The following YAE1 variants were observed in gnomAD, a reference collection of about 807,000 sequenced individuals.
YAE1 encodes the protein protein YAE1 homolog.
A neutral mutation model predicts 23.0 loss-of-function variants in YAE1; 22 were observed. That is an observed-to-expected ratio of 0.96 (90% CI 0.68 to 1.37). YAE1 has a LOEUF of 1.37. Among genes scored for constraint, YAE1 ranks in the 40% most tolerant of loss-of-function variants. The pLI, the probability that YAE1 is intolerant of heterozygous loss-of-function variation, is 0.00. For synonymous variants in YAE1, 101 were observed against 97.0 expected, an observed-to-expected ratio of 1.04 and a Z score of -0.24; for missense variants, 260 against 262.1, an observed-to-expected ratio of 0.99 and a Z score of 0.06.
intron 2 of YAE1, among the ~76,000 whole-genome samples, chr7:39,605,185 G>C (rs1791111177): frequency 6.6e-6 from 1 of 152,176 alleles, no homozygotes; most frequent in African/African-American, 2.4e-5. Context: ...TGGGAAACCA[G>C]ACCAGGTCAA....
intron 2 of YAE1, among the ~76,000 whole-genome samples, chr7:39,593,449 T>C (rs1470792599): frequency 2.0e-5 from 3 of 152,126 alleles, no homozygotes; most frequent in Non-Finnish European, 4.4e-5. Flanking sequence ...AGTTTCACCA[T>C]GTAGGGCAGT....
intron 2 of YAE1, among the ~76,000 whole-genome samples, chr7:39,604,254 T>G (rs1172536699): frequency 6.6e-6 from 1 of 152,192 alleles, no homozygotes; most frequent in Non-Finnish European, 1.5e-5. Flanking sequence ...TTTGGAAACC[T>G]TTTCAAGAAG....
chr7:39,595,603 T>C (rs1315855661), intron 2 of YAE1, among the ~76,000 whole-genome samples: 1 of 152,194 alleles, frequency 6.6e-6, no homozygotes, highest in Admixed American at 6.5e-5. Flanking sequence ...TTATGTATTT[T>C]TAACAATGAA....
At chr7:39,609,709 C>T in exon 3 of YAE1, 1 of 1,535,680 alleles carries the variant, frequency 6.5e-7, no homozygotes, top group Non-Finnish European at 8.7e-7. Context: ...CTCCCGGTCC[C>T]CGGCCACATG....
At chr7:39,579,226 G>A (rs1038114777) in intron 2 of YAE1, among the ~76,000 whole-genome samples, 2 of 152,108 alleles carry the variant, frequency 1.3e-5, no homozygotes, top group African/African-American at 2.4e-5. Context: ...TTAGGAAATC[G>A]AGGCACCAAG....
chr7:39,609,153 CTG>C (rs1178742375), intron 2 of YAE1, among the ~76,000 whole-genome samples: 1 of 152,202 alleles, frequency 6.6e-6, no homozygotes, highest in African/African-American at 2.4e-5. Context: ...CACAGGATAA[CTG>C]TGCTGTAGAC....
At chr7:39,578,293 T>G (rs578001638) in intron 2 of YAE1, among the ~76,000 whole-genome samples, 125 of 152,306 alleles carry the variant, frequency 8.2e-4, no homozygotes, top group Middle Eastern at 3.4e-3. Context: ...CAATAAGCTG[T>G]CTGTAAAACA....
chr7:39,603,903 G>A (rs1002720471), intron 2 of YAE1, among the ~76,000 whole-genome samples: 1 of 152,204 alleles, frequency 6.6e-6, no homozygotes, highest in African/African-American at 2.4e-5. Flanking sequence ...GAGGATATTA[G>A]ATCTTCCGCC....
chr7:39,572,890 T>A, downstream of YAE1: 2 of 1,231,616 alleles, frequency 1.6e-6, no homozygotes, highest in Non-Finnish European at 2.0e-6. Context: ...TTTTTCTTTG[T>A]CACTGGTAAT....
rs1179497880 is a variant in YAE1, at chr7:39,572,256, CT to C, written c.252-19del. Reference sequence around the variant, plus strand: ...TTAAGTCCTATTTTGCTATTTAACCCTTGTTTATACTTTTGTTCAGTGCTTT... The same window carrying C: ...TTAAGTCCTATTTTGCTATTTAACCCTGTTTATACTTTTGTTCAGTGCTTT... On this transcript the variant is annotated intron_variant, in intron 2 of 2. Coordinates refer to ENST00000223273, the MANE Select transcript of YAE1 (RefSeq NM_020192.5). 6.4e-7 allele frequency: 1 copy of C among 1,574,532 alleles called. No individual in the cohort carries two copies.
downstream of YAE1, among the ~76,000 whole-genome samples, chr7:39,574,110 G>A (rs1790616810): frequency 6.6e-6 from 1 of 152,150 alleles, no homozygotes; most frequent in Non-Finnish European, 1.5e-5. Context: ...AAGTAAAAAT[G>A]TCATGGGTGT....
At chr7:39,572,120 A>G (rs1790576422) in intron 2 of YAE1, among the ~76,000 whole-genome samples, 157 bp from the exon 3 acceptor site, 1 of 152,270 alleles carries the variant, frequency 6.6e-6, no homozygotes, top group South Asian at 2.1e-4. Flanking sequence ...AGAGAAAAAT[A>G]TAAAATCAGG....
In YAE1 at chr7:39,566,556, G is replaced by T; in HGVS notation, c.129+9G>T. On this transcript the variant is annotated intron_variant, in intron 1 of 2. Coordinates refer to ENST00000223273, the MANE Select transcript of YAE1 (RefSeq NM_020192.5). Reference sequence around the variant, plus strand: ...TGCAAAGACGAGTCAAAGTAAACGTGGTGTGGACGGCGCGGGGTGCTGGGT... The same window carrying T: ...TGCAAAGACGAGTCAAAGTAAACGTTGTGTGGACGGCGCGGGGTGCTGGGT... 6.2e-7 allele frequency: 1 copy of T among 1,613,432 alleles called. No individual in the cohort carries two copies. Among genetic ancestry groups the T allele is most frequent in the Non-Finnish European group, 8.5e-7 (1 of 1,179,646 alleles).
At chr7:39,573,933 T>G (rs1397549056), downstream of YAE1, among the ~76,000 whole-genome samples, 1 of 152,238 alleles carries the variant, frequency 6.6e-6, no homozygotes, top group Non-Finnish European at 1.5e-5. Context: ...TTCAGAGATT[T>G]ACTAGTTTGT....
At chr7:39,605,707 T>C (rs895993827) in intron 2 of YAE1, among the ~76,000 whole-genome samples, 1 of 152,172 alleles carries the variant, frequency 6.6e-6, no homozygotes, top group Non-Finnish European at 1.5e-5. Flanking sequence ...GCCTCAATTA[T>C]TGCGTGAGCC....
intron 2 of YAE1, among the ~76,000 whole-genome samples, chr7:39,585,076 G>C (rs1203402770): frequency 6.6e-6 from 1 of 152,144 alleles, no homozygotes; most frequent in Non-Finnish European, 1.5e-5. Context: ...AATTTCTTAT[G>C]TGGAGATTCT....
At chr7:39,601,298 G>A (rs904139310) in intron 2 of YAE1, among the ~76,000 whole-genome samples, 2 of 152,150 alleles carry the variant, frequency 1.3e-5, no homozygotes, top group African/African-American at 4.8e-5. Context: ...CAGCAGAACA[G>A]TTTTCATTGT....
At chr7:39,605,367 T>C (rs1791115291) in intron 2 of YAE1, among the ~76,000 whole-genome samples, 1 of 152,220 alleles carries the variant, frequency 6.6e-6, no homozygotes, top group Non-Finnish European at 1.5e-5. Flanking sequence ...GACATTAACA[T>C]TTGAATCAGA....
chr7:39,588,250 G>A (rs1790848714), intron 2 of YAE1, among the ~76,000 whole-genome samples: 4 of 152,186 alleles, frequency 2.6e-5, no homozygotes. Flanking sequence ...GGTGGCTCAC[G>A]CCTGTAATCC....
Sources: gnomAD v4.1 joint callset for allele counts (sites outside exome capture counted in the v4.1 genomes callset) on GRCh38, gnomAD v4.1.1 for gene constraint, MANE v1.5 for transcripts, NCBI Gene and HGNC (gene_info 2026-07-23, HGNC 2026-07-21) for gene names.